Variants in LARP4B observed in about 807,000 individuals in gnomAD.
LARP4B encodes the protein La ribonucleoprotein 4B, also known as la-related protein 4B.
In LARP4B, 12 loss-of-function variants were observed where a neutral mutation model predicts 89.8. That is an observed-to-expected ratio of 0.13 (90% CI 0.09 to 0.22). LARP4B has a LOEUF of 0.22. LARP4B is among the 10% of genes least tolerant of loss of function. The pLI, the probability that LARP4B is intolerant of heterozygous loss-of-function variation, is 1.00. For synonymous variants in LARP4B, 367 were observed against 363.3 expected, an observed-to-expected ratio of 1.01 and a Z score of -0.12; for missense variants, 757 against 947.7, an observed-to-expected ratio of 0.80 and a Z score of 2.64.
the LARP4B span, among the ~76,000 whole-genome samples, chr10:967,915 T>C: frequency 5.3e-5 from 8 of 152,182 alleles, 1 homozygote; most frequent in African/African-American, 1.9e-4. Context: ...TTGGCCAGGC[T>C]GGTCTCGAAC....
At chr10:875,132 A>C (rs193274861) in intron 3 of LARP4B, among the ~76,000 whole-genome samples, 12 of 152,338 alleles carry the variant, frequency 7.9e-5, no homozygotes, top group Admixed American at 6.5e-5. Context: ...CTAAAGACAC[A>C]AACGATTCAT....
rs1472074670 is a variant in LARP4B, at chr10:809,992, C to T, written c.*2934G>A. On this transcript the variant is annotated 3_prime_UTR_variant, in exon 18 of 18. Transcript: ENST00000316157. ...CTGGGTGAAAATGTCAAGACACTCA[C>T]TCTCAGAGAACGACGACTCCACTTG... 1 of 152,278 alleles carries T rather than the reference C, an allele frequency of 6.6e-6. No homozygotes were observed. The highest frequency in any genetic ancestry group is 1.5e-5 in the Non-Finnish European group (1 of 68,044). The allele number at this position is 152,278 out of a possible 1,614,324, so 9.4% of individuals were successfully genotyped here. A position where few individuals can be genotyped will look rare whatever the true frequency, so the allele number is the denominator to read the frequency against.
At chr10:968,106 TA>T in the LARP4B span, among the ~76,000 whole-genome samples, 7 of 152,150 alleles carry the variant, frequency 4.6e-5, no homozygotes, top group African/African-American at 1.7e-4. Context: ...TAGAAATGGA[TA>T]AAAGATTGGA....
At chr10:931,309 C>A (rs954948230) in intron 1 of LARP4B, 119 bp downstream of exon 1, 2 of 151,972 alleles carry the variant, frequency 1.3e-5, no homozygotes, top group African/African-American at 4.8e-5. Flanking sequence ...CCGGCCCAGG[C>A]CCGGCCCTGC....
chr10:881,257 C>G (rs1364580431), intron 3 of LARP4B, among the ~76,000 whole-genome samples: 1 of 152,162 alleles, frequency 6.6e-6, no homozygotes, highest in Admixed American at 6.5e-5. Context: ...CCCTCAAAAC[C>G]CTTTCAATCC....
the LARP4B span, among the ~76,000 whole-genome samples, chr10:966,324 C>A: frequency 6.6e-6 from 1 of 152,076 alleles, no homozygotes. Context: ...GGCATGGTGG[C>A]GCACACCTGT....
At chr10:884,660 G>A (rs1205224287) in intron 2 of LARP4B, among the ~76,000 whole-genome samples, 154 bp from the exon 3 acceptor site, 1 of 151,806 alleles carries the variant, frequency 6.6e-6, no homozygotes, top group Non-Finnish European at 1.5e-5. Context: ...GAATGTAGGA[G>A]GCTTAAAATT....
intron 5 of LARP4B, among the ~76,000 whole-genome samples, chr10:847,669 G>A (rs1490707269): frequency 6.6e-6 from 1 of 152,126 alleles, no homozygotes. Flanking sequence ...GGGGATTACA[G>A]GCGCACACCA....
At chr10:961,122 G>A in the LARP4B span, among the ~76,000 whole-genome samples, 1 of 152,208 alleles carries the variant, frequency 6.6e-6, no homozygotes, top group Non-Finnish European at 1.5e-5. Context: ...TTACCTGAGG[G>A]GATTTGTTGT....
chr10:982,946 T>C, the LARP4B span, among the ~76,000 whole-genome samples: 2 of 152,212 alleles, frequency 1.3e-5, no homozygotes, highest in Admixed American at 6.5e-5. Flanking sequence ...TCCCCAGGTA[T>C]ACTGATGCTT....
At chr10:840,737 T>C (rs1833482475) in intron 7 of LARP4B, among the ~76,000 whole-genome samples, 1 of 152,230 alleles carries the variant, frequency 6.6e-6, no homozygotes, top group Non-Finnish European at 1.5e-5. Context: ...AGAGCTGCAC[T>C]ATTCAAAGGA....
At chr10:879,324 G>C (rs1188545400) in intron 3 of LARP4B, among the ~76,000 whole-genome samples, 1 of 152,250 alleles carries the variant, frequency 6.6e-6, no homozygotes, top group African/African-American at 2.4e-5. Flanking sequence ...CCTGGGGCAA[G>C]TTCTCCGAAG....
chr10:815,601 A>T (rs1454160398), intron 15 of LARP4B: 1 of 152,134 alleles, frequency 6.6e-6, no homozygotes, highest in African/African-American at 2.4e-5. Flanking sequence ...GAGGCCCAAT[A>T]CCTCTAAGTT....
At chr10:950,316 C>A in the LARP4B span, among the ~76,000 whole-genome samples, 1 of 152,122 alleles carries the variant, frequency 6.6e-6, no homozygotes, top group East Asian at 1.9e-4. Context: ...TATTATCATG[C>A]TGGTAAGAAA....
intron 3 of LARP4B, among the ~76,000 whole-genome samples, chr10:868,088 T>C (rs904951030): frequency 6.6e-6 from 1 of 151,866 alleles, no homozygotes; most frequent in African/African-American, 2.4e-5. Flanking sequence ...AAAAATAACG[T>C]ATCAATTAAT....
intron 3 of LARP4B, among the ~76,000 whole-genome samples, chr10:872,499 C>T (rs1835267642): frequency 6.6e-6 from 1 of 152,228 alleles, no homozygotes; most frequent in African/African-American, 2.4e-5. Context: ...TCTCCTGAAT[C>T]CTGACATTGC....
At chr10:860,800 T>C (rs1247846509) in intron 5 of LARP4B, among the ~76,000 whole-genome samples, 1 of 152,080 alleles carries the variant, frequency 6.6e-6, no homozygotes, top group African/African-American at 2.4e-5. Context: ...GCCCAGGAGT[T>C]CCATCTTTTT....
At chr10:947,270 CAACA>C in the LARP4B span, among the ~76,000 whole-genome samples, 35 of 152,224 alleles carry the variant, frequency 2.3e-4, no homozygotes, top group East Asian at 3.9e-4. Context: ...CGGTTCTTGC[CAACA>C]AACAAACAGA....
the LARP4B span, among the ~76,000 whole-genome samples, chr10:955,450 T>C: frequency 6.6e-6 from 1 of 152,206 alleles, no homozygotes; most frequent in Non-Finnish European, 1.5e-5. The surrounding 1 kb of genome is among the most constrained non-coding windows in gnomAD (Gnocchi z 5.2). Context: ...CTTCTGTGCT[T>C]CCTGAGATGA....
Sources: allele counts gnomAD v4.1 joint callset (sites outside exome capture counted in the v4.1 genomes callset), GRCh38; gene constraint gnomAD v4.1.1; non-coding constraint Gnocchi (gnomAD v3.1); transcripts MANE v1.5; gene names NCBI Gene and HGNC (gene_info 2026-07-23, HGNC 2026-07-21).